Variants in TMPO observed in about 807,000 individuals in gnomAD.
TMPO encodes thymopoietin.
In TMPO, 22 loss-of-function variants were observed where a neutral mutation model predicts 45.4. The observed-to-expected ratio is 0.48, with a 90% CI of 0.35 to 0.69. The LOEUF (loss-of-function observed/expected upper bound fraction) is 0.69. Among genes scored for constraint, TMPO ranks in the 30% least tolerant of loss-of-function variants. TMPO has a pLI of 0.01. For synonymous variants in TMPO, 241 were observed against 204.1 expected (o/e 1.18, Z -1.54); for missense variants, 512 against 548.8 (o/e 0.93, Z 0.67).
At chr12:98,517,707 TAAATA>T (rs1041144161) in intron 1 of TMPO, among the ~76,000 whole-genome samples, 1 of 152,218 alleles carries the variant, frequency 6.6e-6, no homozygotes, top group African/African-American at 2.4e-5. Context: ...ATTTGTACAA[TAAATA>T]AAAGACCAAT....
intron 4 of TMPO, among the ~76,000 whole-genome samples, chr12:98,541,007 T>TA (rs1275082749): frequency 3.3e-5 from 5 of 152,120 alleles, no homozygotes; most frequent in African/African-American, 9.7e-5. Context: ...AGGTTTTTTT[T>TA]ATGTATTGAA....
chr12:98,527,387 G>A (rs1240427676), intron 1 of TMPO: 1 of 151,482 alleles, frequency 6.6e-6, no homozygotes, highest in African/African-American at 2.4e-5. Context: ...GCCAAGGGTG[G>A]TGGTGCGCAC....
At chr12:98,534,414 GGTT>G in intron 3 of TMPO, 1 of 1,597,656 alleles carries the variant, frequency 6.3e-7, no homozygotes, top group Non-Finnish European at 8.5e-7. Context: ...TTTCTGTTAA[GGTT>G]GTTTTAGTTT....
At chr12:98,546,917 G>A (rs1878258714) in intron 8 of TMPO, among the ~76,000 whole-genome samples, 1 of 152,054 alleles carries the variant, frequency 6.6e-6, no homozygotes, top group Non-Finnish European at 1.5e-5. Flanking sequence ...AAAAGGCTGT[G>A]TTTATGTATC....
rs750016329 is a variant in TMPO at position 98,531,667 on chromosome 12, T to G, written c.407-13T>G. 1.2e-6 allele frequency: 2 copies of G among 1,612,080 alleles called. No individual in the cohort carries two copies. Among genetic ancestry groups the G allele is most frequent in the Non-Finnish European group, 8.5e-7 (1 of 1,179,886 alleles). On this transcript the variant is annotated splice_polypyrimidine_tract_variant and intron_variant, in intron 2 of 8. Transcript: ENST00000556029. Reference sequence around the variant, plus strand: ...ACAATACAGGTACTAAAGCAAGTTCTGCCTTAATCCAGGAACAACCAGGAA... The same window carrying G: ...ACAATACAGGTACTAAAGCAAGTTCGGCCTTAATCCAGGAACAACCAGGAA...
intron 2 of TMPO, among the ~76,000 whole-genome samples, chr12:98,528,231 T>C (rs1435326657): frequency 1.3e-5 from 2 of 151,948 alleles, no homozygotes; most frequent in African/African-American, 4.8e-5. Flanking sequence ...GAGATTGTTT[T>C]ATATGGTGCT....
intron 2 of TMPO, 57 bp downstream of exon 2, chr12:98,528,069 AT>A (rs1196697465): frequency 6.2e-7 from 1 of 1,606,026 alleles, no homozygotes; most frequent in Non-Finnish European, 8.5e-7. Flanking sequence ...ACCCCAAATT[AT>A]TTTCTCCTTT....
At chr12:98,532,813 G>A (rs1203260829) in intron 3 of TMPO, 3 of 1,613,982 alleles carry the variant, frequency 1.9e-6, no homozygotes, top group East Asian at 4.5e-5. Flanking sequence ...TGCCTCTTTT[G>A]CCTCTACAGG....
chr12:98,548,674 T>C lies in TMPO; in HGVS notation c.*816T>C, dbSNP rs981536805. ...CATCCAGTTTGCTACCAAAATATGTTTTAGATAAGTGTGTGTATGTTTGTT... is the reference window on the plus strand; with the variant it reads ...CATCCAGTTTGCTACCAAAATATGTCTTAGATAAGTGTGTGTATGTTTGTT... On this transcript the variant is annotated 3_prime_UTR_variant, in exon 9 of 9. Transcript: ENST00000556029. 6.6e-6 allele frequency: 1 copy of C among 152,232 alleles called. No homozygotes were observed. The highest frequency in any genetic ancestry group is 6.5e-5 in the Admixed American group (1 of 15,278). 9.4% of individuals were successfully genotyped at this position (152,232 alleles called of 1,614,324 possible).
intron 1 of TMPO, among the ~76,000 whole-genome samples, chr12:98,523,389 T>C (rs570112785): frequency 4.6e-5 from 7 of 152,096 alleles, no homozygotes; most frequent in African/African-American, 7.2e-5. Flanking sequence ...TCCTGTCTCT[T>C]CTAAAAATAC....
At chr12:98,520,642 G>C (rs77768556) in intron 1 of TMPO, among the ~76,000 whole-genome samples, 2 of 127,746 alleles carry the variant, frequency 1.6e-5, no homozygotes, top group African/African-American at 5.8e-5. Flanking sequence ...TTTTTTTTTT[G>C]AAACGGAGTC....
At chr12:98,544,854 T>C in intron 6 of TMPO, 97 bp from the exon 7 acceptor site, 3 of 1,047,168 alleles carry the variant, frequency 2.9e-6, no homozygotes, top group Non-Finnish European at 4.4e-6. Context: ...TAAGGGAAAA[T>C]TTCTAATATT....
At chr12:98,519,030 C>G (rs529193969) in intron 1 of TMPO, among the ~76,000 whole-genome samples, 1 of 145,148 alleles carries the variant, frequency 6.9e-6, no homozygotes, top group Non-Finnish European at 1.5e-5. Context: ...TACAGGCGCC[C>G]GCCACCACCC....
At chr12:98,539,325 A>G (rs1877768124) in intron 4 of TMPO, among the ~76,000 whole-genome samples, 1 of 152,112 alleles carries the variant, frequency 6.6e-6, no homozygotes. Flanking sequence ...AGGCAGAATT[A>G]GACAGTGGCT....
chr12:98,535,067 G>A, intron 3 of TMPO: 1 of 869,162 alleles, frequency 1.2e-6, no homozygotes, highest in Non-Finnish European at 1.4e-6. Flanking sequence ...TCTCTTCATT[G>A]ACTGGTAGCA....
Position 98,516,132 on chromosome 12 carries a change from G to C in TMPO, c.265G>C (p.Ala89Pro), listed in dbSNP as rs200177466. ...SGAAAAGRSR[A>P]AVGRKATKKT... ...GGCCGCCGCCGCGGGCCGGAGCCGA[G>C]CAGCCGTCGGCAGGGTAAGGACGCG... The change falls in exon 1 of 9, where the codon GCA becomes CCA. Residue 89 changes from alanine to proline, a missense_variant. Around this residue, in one of 3 missense-constraint regions of TMPO, gnomAD observed 299 missense variants for 296.7 expected, o/e 1.01. Transcript: ENST00000556029. 1.4e-6 allele frequency: 2 copies of C among 1,460,656 alleles called. No individual in the cohort carries two copies. Among genetic ancestry groups the C allele is most frequent in the African/African-American group, 2.9e-5 (2 of 67,814 alleles). The allele number at this position is 1,460,656 out of a possible 1,614,324, so 90.5% of individuals were successfully genotyped here. A position where few individuals can be genotyped will look rare whatever the true frequency, so the allele number is the denominator to read the frequency against.
chr12:98,527,647 A>T, intron 1 of TMPO: 1 of 463,738 alleles, frequency 2.2e-6, no homozygotes, highest in South Asian at 2.6e-5. Context: ...TCCAAAATGG[A>T]CTATTTTAAC....
At chr12:98,524,859 G>T (rs1876648775) in intron 1 of TMPO, among the ~76,000 whole-genome samples, 1 of 152,178 alleles carries the variant, frequency 6.6e-6, no homozygotes, top group Admixed American at 6.5e-5. Context: ...CTCCCAAAGT[G>T]CTGGGATTAC....
chr12:98,517,927 C>T (rs953417091), intron 1 of TMPO, among the ~76,000 whole-genome samples: 18 of 152,202 alleles, frequency 1.2e-4, no homozygotes, highest in Admixed American at 2.0e-4. Context: ...CTTTGGGAGG[C>T]CCAGGCGGGT....
Sources: allele counts gnomAD v4.1 joint callset (sites outside exome capture counted in the v4.1 genomes callset), GRCh38; gene constraint gnomAD v4.1.1; regional missense constraint gnomAD v4.1.1; transcripts MANE v1.5; gene names NCBI Gene and HGNC (gene_info 2026-07-23, HGNC 2026-07-21).